Variants in TMEM182 observed in about 807,000 individuals in gnomAD.
The protein encoded by TMEM182 is transmembrane protein 182.
TMEM182 carries 20 observed loss-of-function variants against 26.8 expected under a neutral mutation model. The ratio of observed to expected loss-of-function variants is 0.75; its 90% confidence interval spans 0.53 to 1.09. The LOEUF (loss-of-function observed/expected upper bound fraction) is 1.09. TMEM182 is among the 50% of genes least tolerant of loss of function. The pLI is 0.00. For missense variants in TMEM182, 277 were observed against 275.5 expected (o/e 1.01, Z -0.04); for synonymous variants, 109 against 102.2 (o/e 1.07, Z -0.40).
At chr2:102,742,018 A>T (rs1270822166) in intron 1 of TMEM182, among the ~76,000 whole-genome samples, 2 of 152,278 alleles carry the variant, frequency 1.3e-5, no homozygotes, top group African/African-American at 4.8e-5. Context: ...AAGAGAAAAC[A>T]TAATCTGAAG....
At chr2:102,777,004 A>G (rs1176655333) in intron 3 of TMEM182, among the ~76,000 whole-genome samples, 1 of 151,668 alleles carries the variant, frequency 6.6e-6, no homozygotes, top group Non-Finnish European at 1.5e-5. Flanking sequence ...TTGGTTTTTT[A>G]TTCTTGAATT....
chr2:102,738,040 A>G (rs1229420085), intron 1 of TMEM182, among the ~76,000 whole-genome samples: 2 of 152,212 alleles, frequency 1.3e-5, no homozygotes, highest in African/African-American at 2.4e-5. Context: ...TGAAACTGTC[A>G]ATCGTGAACC....
intron 3 of TMEM182, among the ~76,000 whole-genome samples, chr2:102,826,335 A>G (rs1417640977): frequency 3.5e-5 from 5 of 144,466 alleles, no homozygotes; most frequent in Non-Finnish European, 7.6e-5. Flanking sequence ...AAAGTTCCCA[A>G]TCGATGTTCA....
At chr2:102,786,828 G>T (rs1490190135) in intron 3 of TMEM182, among the ~76,000 whole-genome samples, 1 of 152,192 alleles carries the variant, frequency 6.6e-6, no homozygotes. Flanking sequence ...TGGGTTTAGA[G>T]AGATGAGCAA....
rs187438129 is a variant in TMEM182, at chr2:102,811,740, T to G, written c.470-3008T>G. 2.4e-4 allele frequency among the ~76,000 whole-genome samples: 36 copies of G among 152,294 alleles called. No individual in the cohort carries two copies. The East Asian group carries it at 7.0e-3, about 29-fold the overall frequency. On this transcript the variant is annotated intron_variant, in intron 4 of 4. Coordinates refer to ENST00000412401, the MANE Select transcript of TMEM182 (RefSeq NM_144632.5). Reference sequence around the variant, plus strand: ...CATTTTGTGATCAGATTGTCTTAGTTTAAGCTATGGGAGGCCCCATCAAGC... The same window carrying G: ...CATTTTGTGATCAGATTGTCTTAGTGTAAGCTATGGGAGGCCCCATCAAGC...
chr2:102,773,057 A>G (rs1680747522), intron 3 of TMEM182, among the ~76,000 whole-genome samples: 1 of 152,128 alleles, frequency 6.6e-6, no homozygotes, highest in South Asian at 2.1e-4. Context: ...ATCCTAGTAC[A>G]TGGTAGTTAA....
At position 102,762,142 on chromosome 2, in the gene TMEM182, G is replaced by C. The variant is rs1360992344; in HGVS notation, c.-76G>C. 1.2e-6 allele frequency: 1 copy of C among 852,434 alleles called. No individual in the cohort carries two copies. The highest frequency in any genetic ancestry group is 1.7e-6 in the Non-Finnish European group (1 of 590,202). The allele number at this position is 852,434 out of a possible 1,614,324, so 52.8% of individuals were successfully genotyped here. Reference sequence around the variant, plus strand: ...TTATTCTTTTTTTTTTTTTTTTGCTGTTGTTTCTGAGAAACTAGGTGTCTT... The same window carrying C: ...TTATTCTTTTTTTTTTTTTTTTGCTCTTGTTTCTGAGAAACTAGGTGTCTT... On this transcript the variant is annotated 5_prime_UTR_variant, in exon 1 of 5. Transcript: ENST00000412401.
chr2:102,821,010 C>A (rs569786546), downstream of TMEM182, among the ~76,000 whole-genome samples: 4 of 152,184 alleles, frequency 2.6e-5, no homozygotes, highest in South Asian at 8.3e-4. Context: ...CACGTTTCAA[C>A]CCTGATAAAG....
chr2:102,762,161 G>A lies in TMEM182; in HGVS notation c.-57G>A, dbSNP rs1680238047. 1 of 1,295,908 alleles carries A rather than the reference G, an allele frequency of 7.7e-7. No homozygotes were observed. Among genetic ancestry groups the A allele is most frequent in the Non-Finnish European group, 1.1e-6 (1 of 928,308 alleles). 80.3% of individuals were successfully genotyped at this position (1,295,908 alleles called of 1,614,324 possible). A position where few individuals can be genotyped will look rare whatever the true frequency, so the allele number is the denominator to read the frequency against. On this transcript the variant is annotated 5_prime_UTR_variant, in exon 1 of 5. In the 5' UTR this introduces an upstream ATG that the reference lacks. Transcript: ENST00000412401. ...TTTGCTGTTGTTTCTGAGAAACTAG[G>A]TGTCTTACCATTTTAAAATTTCATA...
At chr2:102,753,571 A>C (rs555685184) in intron 1 of TMEM182, among the ~76,000 whole-genome samples, 1 of 152,068 alleles carries the variant, frequency 6.6e-6, no homozygotes, top group Non-Finnish European at 1.5e-5. Context: ...GGGTCTTGCT[A>C]TGTTGCCCAG....
chr2:102,810,704 A>G (rs1344282653), intron 4 of TMEM182, among the ~76,000 whole-genome samples: 2 of 152,204 alleles, frequency 1.3e-5, no homozygotes, highest in Non-Finnish European at 2.9e-5. Context: ...TTCTGCCTCC[A>G]GTGAAATATT....
Position 102,815,019 on chromosome 2 carries a change from C to G in TMEM182, c.*51C>G. 2 of 1,595,562 alleles carry G rather than the reference C, an allele frequency of 1.3e-6. No individual in the cohort carries two copies. Among genetic ancestry groups the G allele is most frequent in the Non-Finnish European group, 1.7e-6 (2 of 1,170,942 alleles). ...TTGAGAGATTTTAAAACAAGGAATA[C>G]TTTTTTTCCATTTTGTTTCATTGAT... On this transcript the variant is annotated 3_prime_UTR_variant, in exon 5 of 5. Coordinates refer to ENST00000412401, the MANE Select transcript of TMEM182 (RefSeq NM_144632.5).
chr2:102,787,206 G>A (rs551492253), intron 3 of TMEM182, among the ~76,000 whole-genome samples: 15 of 152,308 alleles, frequency 9.8e-5, no homozygotes, highest in African/African-American at 3.6e-4. Flanking sequence ...CATCAACTTG[G>A]ACTGCTGTAA....
intron 3 of TMEM182, among the ~76,000 whole-genome samples, chr2:102,784,945 T>G (rs745929780): frequency 1.2e-4 from 19 of 152,180 alleles, no homozygotes; most frequent in Non-Finnish European, 1.5e-4. Flanking sequence ...TTCTATCTTG[T>G]CCTGTGACTT....
intron 4 of TMEM182, among the ~76,000 whole-genome samples, chr2:102,798,700 G>A (rs1017313676): frequency 6.6e-6 from 1 of 152,090 alleles, no homozygotes; most frequent in Non-Finnish European, 1.5e-5. Context: ...AATTAGCCAG[G>A]CGTGGTGGCA....
At chr2:102,788,426 G>A (rs1446433872) in intron 3 of TMEM182, among the ~76,000 whole-genome samples, 1 of 152,058 alleles carries the variant, frequency 6.6e-6, no homozygotes, top group Non-Finnish European at 1.5e-5. Context: ...GGTCCCCTGG[G>A]GTGGACACTG....
Position 102,814,966 on chromosome 2 carries a change from T to G in TMEM182, c.688T>G (p.Ter230GluextTer13). 1 of 1,613,502 alleles carries G rather than the reference T, an allele frequency of 6.2e-7. No individual in the cohort carries two copies. Among genetic ancestry groups the G allele is most frequent in the Middle Eastern group, 1.7e-4 (1 of 6,058 alleles). The change falls in exon 5 of 5, where the codon TAA becomes GAA. Residue 230 changes from the stop codon to glutamate (E), a stop_lost. Transcript: ENST00000412401. ...TGGATGGCATATTCAGATACATCAC[T>G]AAATCAACTGTTGCCACAAGTATTT... Reference protein sequence around the residue: ...VVGWHIQIHH* With the variant: ...VVGWHIQIHHE
At chr2:102,777,662 G>A (rs1439689395) in intron 3 of TMEM182, among the ~76,000 whole-genome samples, 2 of 151,782 alleles carry the variant, frequency 1.3e-5, no homozygotes, top group African/African-American at 4.8e-5. Context: ...AGAAATTTCT[G>A]GAGATTTTTG....
chr2:102,754,132 T>A (rs908939175), intron 1 of TMEM182, among the ~76,000 whole-genome samples: 5 of 152,170 alleles, frequency 3.3e-5, no homozygotes, highest in Admixed American at 2.0e-4. Context: ...AAGCAATTGT[T>A]CTTCGGGTCA....
Sources: allele counts gnomAD v4.1 joint callset (sites outside exome capture counted in the v4.1 genomes callset), GRCh38; gene constraint gnomAD v4.1.1; transcripts MANE v1.5; gene names NCBI Gene and HGNC (gene_info 2026-07-23, HGNC 2026-07-21).